Variants in CADM2 observed in about 807,000 individuals in gnomAD.
The protein encoded by CADM2 is immunoglobulin superfamily member 4D.
Under a neutral mutation model 49.8 loss-of-function variants are expected in CADM2, and 12 were observed. The observed-to-expected ratio is 0.24, with a 90% CI of 0.15 to 0.39. The LOEUF is 0.39. Ranked by LOEUF, CADM2 falls within the 10% of genes least tolerant of loss-of-function variation. The probability of loss-of-function intolerance (pLI) is 1.00; values close to 1 mark genes in which losing one functional copy is unlikely to be tolerated. For synonymous variants in CADM2, 214 were observed against 175.4 expected, an observed-to-expected ratio of 1.22 and a Z score of -1.74; for missense variants, 378 against 492.3, an observed-to-expected ratio of 0.77 and a Z score of 2.20.
intron 2 of CADM2, among the ~76,000 whole-genome samples, chr3:85,749,735 A>G (rs1255031908): frequency 6.6e-6 from 1 of 152,044 alleles, no homozygotes; most frequent in Non-Finnish European, 1.5e-5. Context: ...GCAGAGGTTC[A>G]TGAATTTCCT....
intron 1 of CADM2, among the ~76,000 whole-genome samples, chr3:85,680,009 T>TA (rs1016511149): frequency 5.3e-5 from 8 of 152,064 alleles, no homozygotes; most frequent in African/African-American, 1.9e-4. Context: ...CATAAAACAT[T>TA]AAAAAATATT....
chr3:86,006,747 T>G (rs1013549406), intron 8 of CADM2, among the ~76,000 whole-genome samples: 13 of 152,060 alleles, frequency 8.5e-5, no homozygotes, highest in African/African-American at 3.1e-4. Flanking sequence ...GTCTTACTAA[T>G]TTAAGTATAT....
intron 8 of CADM2, among the ~76,000 whole-genome samples, chr3:85,974,645 A>G (rs1046336134): frequency 5.3e-5 from 8 of 151,660 alleles, no homozygotes; most frequent in African/African-American, 1.9e-4. Context: ...GATTTGGCAA[A>G]TGCGTTGTTT....
intron 3 of CADM2, among the ~76,000 whole-genome samples, chr3:85,848,154 A>C (rs1479702108): frequency 6.6e-6 from 1 of 151,786 alleles, no homozygotes; most frequent in African/African-American, 2.4e-5. Context: ...TGGCTGGGGG[A>C]GTTAGTAAAA....
At chr3:86,008,112 C>T (rs547146510) in intron 8 of CADM2, among the ~76,000 whole-genome samples, 4,479 of 152,150 alleles carry the variant, frequency 0.029, 120 homozygotes, top group African/African-American at 0.067. Flanking sequence ...GCTAATTTGA[C>T]ATGTGAAAAT....
At chr3:85,464,966 T>G (rs9864651) in intron 1 of CADM2, among the ~76,000 whole-genome samples, 4,611 of 152,054 alleles carry the variant, frequency 0.03, 116 homozygotes, top group Non-Finnish European at 0.043. Context: ...TGGCTAACAC[T>G]GTGAAACCCC....
intron 2 of CADM2, among the ~76,000 whole-genome samples, chr3:85,799,382 A>G (rs2071845510): frequency 6.6e-6 from 1 of 152,160 alleles, no homozygotes; most frequent in Non-Finnish European, 1.5e-5. Context: ...GCTTTTGCCC[A>G]TTCATTATGA....
At chr3:85,859,379 C>T (rs530400481) in intron 3 of CADM2, among the ~76,000 whole-genome samples, 172 of 151,854 alleles carry the variant, frequency 1.1e-3, no homozygotes, top group African/African-American at 3.8e-3. Context: ...TACAGGCATG[C>T]GTCACCACGC....
rs1215695603 is a variant in CADM2 at position 84,980,705 on chromosome 3, A to T, written c.61+21037A>T. On this transcript the variant is annotated intron_variant, in intron 1 of 9. Coordinates refer to ENST00000383699, the MANE Select transcript of CADM2 (RefSeq NM_001167675.2). ...TGTTCTTTCTTTGCTGCGTGACTTTAAATAACTGATGCTACCTCTCTGAGC... is the reference window on the plus strand; with the variant it reads ...TGTTCTTTCTTTGCTGCGTGACTTTTAATAACTGATGCTACCTCTCTGAGC... Among the ~76,000 whole-genome samples the T allele has an allele frequency of 1.1e-4, 16 of 152,156 alleles. 1 individual carries two copies. Among genetic ancestry groups the T allele is most frequent in the Admixed American group, 1.0e-3 (16 of 15,270 alleles).
At chr3:85,847,757 C>T (rs2108281890) in intron 3 of CADM2, among the ~76,000 whole-genome samples, 1 of 152,104 alleles carries the variant, frequency 6.6e-6, no homozygotes, top group African/African-American at 2.4e-5. Context: ...TTAAAAGGCC[C>T]ATTAATGGAT....
intron 8 of CADM2, among the ~76,000 whole-genome samples, chr3:86,040,778 T>C (rs1735794193): frequency 1.3e-5 from 2 of 151,988 alleles, no homozygotes; most frequent in Admixed American, 6.6e-5. Flanking sequence ...GACACATAAT[T>C]GTCAGATTCA....
chr3:85,372,398 T>C (rs146195528), intron 1 of CADM2, among the ~76,000 whole-genome samples: 6 of 142,148 alleles, frequency 4.2e-5, no homozygotes, highest in Non-Finnish European at 7.5e-5. Flanking sequence ...TATAGATATA[T>C]GTATATGTAT....
At chr3:85,556,595 C>T (rs554836926) in intron 1 of CADM2, among the ~76,000 whole-genome samples, 1 of 152,146 alleles carries the variant, frequency 6.6e-6, no homozygotes, top group South Asian at 2.1e-4. Flanking sequence ...AACCTTGAAA[C>T]TTACCTCGAA....
At chr3:85,561,041 A>G (rs1434239996) in intron 1 of CADM2, among the ~76,000 whole-genome samples, 1 of 152,148 alleles carries the variant, frequency 6.6e-6, no homozygotes, top group Non-Finnish European at 1.5e-5. Context: ...ATTGTCTAGG[A>G]TAGTAGCTGC....
intron 8 of CADM2, among the ~76,000 whole-genome samples, chr3:85,995,956 G>T (rs1729358535): frequency 6.6e-6 from 1 of 151,794 alleles, no homozygotes; most frequent in Non-Finnish European, 1.5e-5. Flanking sequence ...CAGGCGTGGT[G>T]GCGGTCGCCT....
intron 2 of CADM2, among the ~76,000 whole-genome samples, chr3:85,768,555 A>C (rs973029915): frequency 6.7e-6 from 1 of 149,276 alleles, no homozygotes; most frequent in African/African-American, 2.4e-5. Context: ...GGCTAAATTG[A>C]TAAGTCTACA....
chr3:85,341,371 C>A (rs1368670617), intron 1 of CADM2, among the ~76,000 whole-genome samples: 1 of 151,446 alleles, frequency 6.6e-6, no homozygotes, highest in Non-Finnish European at 1.5e-5. Flanking sequence ...TTTTATTATC[C>A]AAATAGAGTC....
intron 2 of CADM2, among the ~76,000 whole-genome samples, chr3:85,776,761 A>C (rs1334307369): frequency 1.3e-5 from 2 of 152,126 alleles, no homozygotes; most frequent in East Asian, 1.9e-4. Flanking sequence ...AATGCCTTAC[A>C]TAAGTAAATA....
chr3:86,030,322 G>A (rs1430348746), intron 8 of CADM2, among the ~76,000 whole-genome samples: 2 of 151,904 alleles, frequency 1.3e-5, no homozygotes, highest in Non-Finnish European at 2.9e-5. Context: ...AAGAAACAAT[G>A]TCACTGTTGA....
Sources: allele counts gnomAD v4.1 joint callset (sites outside exome capture counted in the v4.1 genomes callset), GRCh38; gene constraint gnomAD v4.1.1; transcripts MANE v1.5; gene names NCBI Gene and HGNC (gene_info 2026-07-23, HGNC 2026-07-21).